Variants in DZANK1 observed in about 807,000 individuals in gnomAD.
DZANK1 encodes double zinc ribbon and ankyrin repeat-containing protein 1.
A neutral mutation model predicts 94.5 loss-of-function variants in DZANK1; 91 were observed. The observed-to-expected ratio is 0.96, with a 90% confidence interval of 0.81 to 1.15. The LOEUF (loss-of-function observed/expected upper bound fraction) is 1.15, where lower values mean the gene tolerates loss of function less well. DZANK1 is among the 50% of genes most tolerant of loss of function. DZANK1 has a pLI of 0.00. For missense variants in DZANK1, 903 were observed against 916.4 expected (o/e 0.99, Z 0.19); for synonymous variants, 312 against 325.3 (o/e 0.96, Z 0.44).
At chr20:18,395,744 ACTTCC>A (rs1219228055) in intron 15 of DZANK1, among the ~76,000 whole-genome samples, 1 of 152,036 alleles carries the variant, frequency 6.6e-6, no homozygotes, top group African/African-American at 2.4e-5. Context: ...TGCTTCTCTC[ACTTCC>A]CTTCCCCTGA....
At chr20:18,460,034 AT>A in intron 3 of DZANK1, 118 bp downstream of exon 3, 2 of 749,370 alleles carry the variant, frequency 2.7e-6, no homozygotes, top group Non-Finnish European at 3.9e-6. Context: ...TGAAATTAAA[AT>A]AATGTTTCAG....
At chr20:18,389,870 C>T (rs754400832) in intron 18 of DZANK1, 42 bp from the exon 19 acceptor site, 49 of 1,609,734 alleles carry the variant, frequency 3.0e-5, no homozygotes, top group Middle Eastern at 1.7e-4. Context: ...AAACACCCTG[C>T]ACTCAACAGC....
intron 12 of DZANK1, chr20:18,413,097 C>T: frequency 7.2e-6 from 4 of 556,976 alleles, no homozygotes; most frequent in East Asian, 5.9e-5. Flanking sequence ...TGTTTGCCGG[C>T]CTGCTTGATG....
At chr20:18,452,933 G>C (rs1283813900) in intron 5 of DZANK1, among the ~76,000 whole-genome samples, 194 bp from the exon 6 acceptor site, 1 of 152,124 alleles carries the variant, frequency 6.6e-6, no homozygotes, top group African/African-American at 2.4e-5. Flanking sequence ...AACAAGCCCA[G>C]ACTGAGAAGA....
chr20:18,439,987 T>A (rs559790205), intron 8 of DZANK1, among the ~76,000 whole-genome samples: 113 of 152,218 alleles, frequency 7.4e-4, no homozygotes, highest in Non-Finnish European at 1.1e-3. Context: ...ATGAGGTCAT[T>A]ACAGTGGGAC....
chr20:18,440,667 G>T (rs965736651), intron 8 of DZANK1, among the ~76,000 whole-genome samples: 1 of 152,112 alleles, frequency 6.6e-6, no homozygotes, highest in African/African-American at 2.4e-5. Flanking sequence ...CAAGCCATCT[G>T]CCCAGGTGAG....
chr20:18,464,216 G>T (rs2059568582), intron 2 of DZANK1, among the ~76,000 whole-genome samples: 1 of 152,006 alleles, frequency 6.6e-6, no homozygotes, highest in South Asian at 2.1e-4. Flanking sequence ...TGGGATTACA[G>T]GCATTGGCCA....
chr20:18,448,104 T>C (rs1429697823), intron 7 of DZANK1, among the ~76,000 whole-genome samples: 4 of 152,218 alleles, frequency 2.6e-5, no homozygotes, highest in African/African-American at 9.7e-5. Flanking sequence ...AGCAACTTTA[T>C]CTGTAATAGC....
In DZANK1 at chr20:18,396,435, C is replaced by A; in HGVS notation, c.1611+37G>T. ...AAATTGTCTCAATTTACTAATCGGT[C>A]AGTTCTCAAATGAATAACTTCTGGA... is the stretch of plus-strand genomic sequence containing the variant. On this transcript the variant is annotated intron_variant, in intron 15 of 20. Transcript: ENST00000262547. 2.0e-6 allele frequency: 3 copies of A among 1,492,744 alleles called. No individual in the cohort carries two copies. In the South Asian group the frequency reaches 3.6e-5, roughly 18 times the overall value. 92.5% of individuals were successfully genotyped at this position (1,492,744 alleles called of 1,614,324 possible).
Position 18,393,831 on chromosome 20 carries a change from G to GA in DZANK1, c.1709-21dup, listed in dbSNP as rs745787599. On this transcript the variant is annotated intron_variant, in intron 16 of 20. Coordinates refer to ENST00000262547, the Ensembl canonical transcript of DZANK1. ...CACTCACTGAAATGACACAGTTGGG[G>GA]AAAAAAATGATGCCCCTCCCCCAAC... 3.2e-5 allele frequency: 49 copies of GA among 1,531,274 alleles called. No individual in the cohort carries two copies. The Admixed American group carries it at 5.8e-4, about 18-fold the overall frequency. 94.9% of individuals were successfully genotyped at this position (1,531,274 alleles called of 1,614,324 possible).
At chr20:18,385,272 T>C (rs2048414820) in intron 19 of DZANK1, among the ~76,000 whole-genome samples, 182 bp from the exon 20 acceptor site, 1 of 151,662 alleles carries the variant, frequency 6.6e-6, no homozygotes, top group Non-Finnish European at 1.5e-5. Flanking sequence ...GGGTAAGCTT[T>C]GATACTAGAT....
chr20:18,389,599 GA>G lies in DZANK1; in HGVS notation c.2018+101del, dbSNP rs2055838707. On this transcript the variant is annotated intron_variant, in intron 19 of 20. Coordinates refer to ENST00000262547, the Ensembl canonical transcript of DZANK1. ...ATAGGTTAAAATGGTTAAAGTGGCT[GA>G]AACTGAACAGGGTGTGTGTGTAGAC... The G allele has an allele frequency of 2.0e-5, 29 of 1,481,154 alleles. 2 individuals are homozygous for G. The South Asian group carries it at 3.3e-4, about 17-fold the overall frequency. 91.8% of individuals were successfully genotyped at this position (1,481,154 alleles called of 1,614,324 possible). A position where few individuals can be genotyped will look rare whatever the true frequency, so the allele number is the denominator to read the frequency against.
At chr20:18,448,243 T>A (rs2148718875) in intron 7 of DZANK1, among the ~76,000 whole-genome samples, 1 of 152,316 alleles carries the variant, frequency 6.6e-6, no homozygotes, top group South Asian at 2.1e-4. Context: ...ACAACATAGA[T>A]GAATCTGAAA....
chr20:18,401,505 T>G (rs1028795961), intron 13 of DZANK1, among the ~76,000 whole-genome samples: 3 of 152,344 alleles, frequency 2.0e-5, no homozygotes, highest in Non-Finnish European at 4.4e-5. Context: ...TGGTCAATGC[T>G]CTGCAGGGAC....
At chr20:18,401,127 G>A (rs761320938) in intron 13 of DZANK1, among the ~76,000 whole-genome samples, 22 of 152,086 alleles carry the variant, frequency 1.4e-4, no homozygotes, top group Non-Finnish European at 2.6e-4. Context: ...AGTAGAGATG[G>A]GGTTTTGCTA....
At chr20:18,407,899 A>C (rs1484624135) in intron 13 of DZANK1, among the ~76,000 whole-genome samples, 1 of 152,258 alleles carries the variant, frequency 6.6e-6, no homozygotes. Context: ...AAAAGAAAAC[A>C]TAATAAAAAA....
Position 18,414,536 on chromosome 20 carries a change from T to C in DZANK1, c.1078-24A>G, listed in dbSNP as rs1377513668. 7 of 1,568,560 alleles carry C rather than the reference T, an allele frequency of 4.5e-6. No homozygotes were observed. The South Asian group carries it at 7.0e-5, about 16-fold the overall frequency. ...AGCTAGAGGATAGAAAATATCTTGA[T>C]GAATATTAGAGTTATAATTTCCTCA... On this transcript the variant is annotated intron_variant, in intron 11 of 20. Transcript: ENST00000262547.
rs753883805 is a variant in DZANK1, at chr20:18,453,861, G to A, written c.379-34C>T. 4.8e-6 allele frequency: 6 copies of A among 1,250,792 alleles called. No individual in the cohort carries two copies. The South Asian group carries it at 6.0e-5, about 12-fold the overall frequency. 77.5% of individuals were successfully genotyped at this position (1,250,792 alleles called of 1,614,324 possible). On this transcript the variant is annotated intron_variant, in intron 4 of 20. Transcript: ENST00000262547. Reference sequence around the variant, plus strand: ...GAAGAGATTGCATATCAATCACTTGGTTATTCCCATGTGAGAATTAAAGCT... The same window carrying A: ...GAAGAGATTGCATATCAATCACTTGATTATTCCCATGTGAGAATTAAAGCT...
intron 9 of DZANK1, chr20:18,432,980 T>C (rs1198786992): frequency 3.3e-5 from 5 of 152,206 alleles, no homozygotes; most frequent in African/African-American, 4.8e-5. Context: ...AACAAGAACC[T>C]ATAATCAAAT....
Sources: gnomAD v4.1 joint callset for allele counts (sites outside exome capture counted in the v4.1 genomes callset) on GRCh38, gnomAD v4.1.1 for gene constraint, MANE v1.5 for transcripts, NCBI Gene and HGNC (gene_info 2026-07-23, HGNC 2026-07-21) for gene names.